Variants in SACS observed in about 807,000 individuals in gnomAD.
SACS encodes the protein sacsin molecular chaperone, also known as sacsin.
Under a neutral mutation model 348.0 loss-of-function variants are expected in SACS, and 197 were observed. The ratio of observed to expected loss-of-function variants is 0.57; its 90% CI spans 0.50 to 0.64. The LOEUF is 0.64. Ranked by LOEUF, SACS falls within the 30% of genes least tolerant of loss-of-function variation. SACS has a pLI of 0.00. For synonymous variants in SACS, 1,985 were observed against 1,910.6 expected, an observed-to-expected ratio of 1.04 and a Z score of -1.02; for missense variants, 4,999 against 5,360.8, an observed-to-expected ratio of 0.93 and a Z score of 2.11.
chr13:23,422,030 CT>C (rs1239440012), intron 1 of SACS, among the ~76,000 whole-genome samples: 2 of 152,068 alleles, frequency 1.3e-5, no homozygotes, highest in African/African-American at 4.8e-5. Context: ...GGGCGTCCAC[CT>C]ATGGTGTATT....
Position 23,335,189 on chromosome 13 carries a change from A to AGGTTCC in SACS, c.8681_8686dup (p.Arg2894_Asn2895dup). On this transcript the variant is annotated inframe_insertion, in exon 10 of 10. Coordinates refer to ENST00000382292, the MANE Select transcript of SACS (RefSeq NM_014363.6). This position sits in a 1 kb window ranked among gnomAD's most constrained non-coding sequence, Gnocchi z 4.7. ...ACCAACTCCATTATCATCACGCCACAGGTTCCTTCTGGCTGAATCCAGTGC... is the reference window on the plus strand; with the variant it reads ...ACCAACTCCATTATCATCACGCCACAGGTTCCGGTTCCTTCTGGCTGAATCCAGTGC... 1 of 1,613,956 alleles carries AGGTTCC rather than the reference A, an allele frequency of 6.2e-7. No individual in the cohort carries two copies. Among genetic ancestry groups the AGGTTCC allele is most frequent in the Non-Finnish European group, 8.5e-7 (1 of 1,179,904 alleles).
intron 5 of SACS, 133 bp from the exon 6 acceptor site, chr13:23,365,410 T>C (rs1871003946): frequency 1.6e-6 from 1 of 612,890 alleles, no homozygotes; most frequent in African/African-American, 1.9e-5. Context: ...ACATTACCTT[T>C]AAGATCTGGT....
At chr13:23,375,042 C>CCCACG in intron 3 of SACS, 77 bp downstream of exon 3, 1 of 1,311,914 alleles carries the variant, frequency 7.6e-7, no homozygotes, top group Non-Finnish European at 9.8e-7. Flanking sequence ...AAACCTGCGT[C>CCCACG]GCCCACCCCG....
At chr13:23,420,344 G>A in intron 1 of SACS, among the ~76,000 whole-genome samples, 1 of 152,010 alleles carries the variant, frequency 6.6e-6, no homozygotes, top group East Asian at 1.9e-4. Context: ...CTGTGAACCT[G>A]GGGACTAAAG....
At chr13:23,351,557 GC>G (rs1243738348) in intron 9 of SACS, among the ~76,000 whole-genome samples, 1 of 152,128 alleles carries the variant, frequency 6.6e-6, no homozygotes, top group East Asian at 1.9e-4. Context: ...TGTGGCTTTA[GC>G]CTTCTGCCAT....
chr13:23,374,340 T>C (rs2137834582), intron 3 of SACS, among the ~76,000 whole-genome samples: 1 of 152,342 alleles, frequency 6.6e-6, no homozygotes, highest in East Asian at 1.9e-4. Flanking sequence ...AATATTTGTA[T>C]CGAGTAGTAA....
At chr13:23,359,472 A>G (rs1472634067) in intron 6 of SACS, among the ~76,000 whole-genome samples, 1 of 152,200 alleles carries the variant, frequency 6.6e-6, no homozygotes, top group Non-Finnish European at 1.5e-5. Context: ...ATGATTTTAA[A>G]AACCATTAAT....
intron 1 of SACS, among the ~76,000 whole-genome samples, chr13:23,429,819 T>G (rs1477885464): frequency 6.6e-6 from 1 of 152,204 alleles, no homozygotes; most frequent in African/African-American, 2.4e-5. Context: ...TACTTTTTAT[T>G]ACTATTCTTA....
intron 8 of SACS, among the ~76,000 whole-genome samples, chr13:23,354,274 C>T (rs1173143787): frequency 6.6e-6 from 1 of 152,098 alleles, no homozygotes; most frequent in Non-Finnish European, 1.5e-5. Context: ...CAGTGTTCTG[C>T]TATTGAAATT....
chr13:23,427,670 G>A (rs1035773598), intron 1 of SACS: 1 of 152,210 alleles, frequency 6.6e-6, no homozygotes, highest in Non-Finnish European at 1.5e-5. Context: ...TGAGCTAAAC[G>A]CCGCCCTTTG....
intron 3 of SACS, among the ~76,000 whole-genome samples, chr13:23,372,685 T>C (rs369343552): frequency 1.4e-4 from 22 of 152,206 alleles, no homozygotes; most frequent in Non-Finnish European, 2.4e-4. Context: ...AGCTGAACTA[T>C]ATATAAAAGC....
At chr13:23,429,291 A>G (rs891761659) in intron 1 of SACS, among the ~76,000 whole-genome samples, 1 of 145,848 alleles carries the variant, frequency 6.9e-6, no homozygotes, top group African/African-American at 2.5e-5. Context: ...AGGATTGACC[A>G]TGTACAACCA....
intron 2 of SACS, among the ~76,000 whole-genome samples, chr13:23,385,528 T>C (rs1872254373): frequency 6.6e-6 from 1 of 152,088 alleles, no homozygotes; most frequent in Non-Finnish European, 1.5e-5. Flanking sequence ...CCCGGTAATT[T>C]TGTATTTTTA....
Position 23,335,464 on chromosome 13 carries a change from ATAGGT to A in SACS, c.8407_8411del (p.Thr2803TyrfsTer5). 6.2e-7 allele frequency: 1 copy of A among 1,613,734 alleles called. No homozygotes were observed. On this transcript the variant is annotated frameshift_variant, in exon 10 of 10. Coordinates refer to ENST00000382292, the MANE Select transcript of SACS (RefSeq NM_014363.6). LOFTEE classifies it high-confidence loss of function. This position sits in a 1 kb window ranked among gnomAD's most constrained non-coding sequence, Gnocchi z 4.7. ...CTTCAGAGTCCTCAGTATCCATAGTATAGGTTATTTGTTGAACTGGTATGTCTTTG... is the reference window on the plus strand; with the variant it reads ...CTTCAGAGTCCTCAGTATCCATAGTATATTTGTTGAACTGGTATGTCTTTG...
At chr13:23,417,143 T>TTAAG (rs1873720057) in intron 1 of SACS, among the ~76,000 whole-genome samples, 1 of 152,186 alleles carries the variant, frequency 6.6e-6, no homozygotes, top group Non-Finnish European at 1.5e-5. Flanking sequence ...TGAAAGAACT[T>TTAAG]ACATAGGAAT....
At position 23,433,054 on chromosome 13, in the gene SACS, C is replaced by T. The variant is rs757416148; in HGVS notation, c.-502+561G>A. 5.7e-4 allele frequency among the ~76,000 whole-genome samples: 87 copies of T among 152,230 alleles called. 1 individual carries two copies. The highest frequency in any genetic ancestry group is 3.3e-4 in the Admixed American group (5 of 15,292). On this transcript the variant is annotated intron_variant, in intron 1 of 9. Transcript: ENST00000382292. ...ATTAAATATGTGAAATATTTTTTAA[C>T]TAAAAGCAGGATTTTCAAATATTAT...
intron 1 of SACS, among the ~76,000 whole-genome samples, chr13:23,424,851 AAC>A (rs1874104280): frequency 6.6e-6 from 1 of 152,220 alleles, no homozygotes; most frequent in South Asian, 2.1e-4. Flanking sequence ...AACAAGTCCA[AAC>A]ACAGGTTTTG....
intron 2 of SACS, among the ~76,000 whole-genome samples, chr13:23,377,829 G>A (rs1013306894): frequency 3.9e-5 from 6 of 152,190 alleles, no homozygotes; most frequent in Admixed American, 6.5e-5. Context: ...CCCAGCACAG[G>A]GCTCCTGGAT....
chr13:23,329,978 G>A lies in SACS; in HGVS notation c.*158C>T, dbSNP rs545541257. On this transcript the variant is annotated 3_prime_UTR_variant, in exon 10 of 10. Coordinates refer to ENST00000382292, the MANE Select transcript of SACS (RefSeq NM_014363.6). ...CTTTTAGATTCAGTTAAGGTTTTCC[G>A]TTGGTATTCATGTTCATAACAACTC... The A allele has an allele frequency of 3.8e-5, 26 of 684,308 alleles. No individual in the cohort carries two copies. The highest frequency in any genetic ancestry group is 2.8e-4 in the South Asian group (15 of 53,214). The allele number at this position is 684,308 out of a possible 1,614,324, so 42.4% of individuals were successfully genotyped here.
Sources: gnomAD v4.1 joint callset for allele counts (sites outside exome capture counted in the v4.1 genomes callset) on GRCh38, gnomAD v4.1.1 for gene constraint, Gnocchi (gnomAD v3.1) non-coding constraint, MANE v1.5 for transcripts, NCBI Gene and HGNC (gene_info 2026-07-23, HGNC 2026-07-21) for gene names.